The following CORO7 variants were observed in gnomAD, a reference collection of about 807,000 sequenced individuals.
The protein encoded by CORO7 is coronin-7.
In CORO7, 107 loss-of-function variants were observed where a neutral mutation model predicts 126.6. The observed-to-expected ratio is 0.85, with a 90% confidence interval of 0.72 to 0.99. CORO7 has a LOEUF of 0.99. CORO7 is among the 50% of genes least tolerant of loss of function. The pLI, the probability that CORO7 is intolerant of heterozygous loss-of-function variation, is 0.00. For missense variants in CORO7, 1,314 were observed against 1,255.8 expected, an observed-to-expected ratio of 1.05 and a Z score of -0.70; for synonymous variants, 603 against 536.8, an observed-to-expected ratio of 1.12 and a Z score of -1.70.
At chr16:4,363,937 T>G (rs989776974) in intron 14 of CORO7, among the ~76,000 whole-genome samples, 10 of 152,066 alleles carry the variant, frequency 6.6e-5, no homozygotes, top group African/African-American at 2.4e-4. Flanking sequence ...GAGAATCACT[T>G]GAACCCAAGA....
chr16:4,357,355 CTTTTT>C (rs61391325), intron 25 of CORO7, 96 bp from the exon 26 acceptor site: 633 of 726,282 alleles, frequency 8.7e-4, no homozygotes, highest in African/African-American at 9.5e-4. Context: ...TTCTTTCTTT[CTTTTT>C]TTTTTTTTTT....
At chr16:4,412,739 G>T (rs1234345566) in intron 2 of CORO7, 2 of 392,372 alleles carry the variant, frequency 5.1e-6, no homozygotes, top group East Asian at 4.3e-5. Flanking sequence ...GCCACTTTTC[G>T]CACTTTTACT....
At chr16:4,388,117 C>T (rs747130155) in intron 8 of CORO7, 49 bp from the exon 9 acceptor site, 8 of 1,575,722 alleles carry the variant, frequency 5.1e-6, no homozygotes, top group Admixed American at 1.8e-5. Context: ...CCCTCAGCCC[C>T]ACCCGGGGGG....
intron 4 of CORO7, 112 bp downstream of exon 4, chr16:4,408,064 AGTGGG>A (rs2056071709): frequency 6.8e-7 from 1 of 1,461,288 alleles, no homozygotes; most frequent in East Asian, 2.3e-5. Flanking sequence ...AGCCCTGGGG[AGTGGG>A]GTGGGGCTGG....
At chr16:4,361,919 A>T in intron 16 of CORO7, 66 bp downstream of exon 16, 1 of 1,546,876 alleles carries the variant, frequency 6.5e-7, no homozygotes, top group Non-Finnish European at 8.7e-7. Context: ...TGGGTAGCTA[A>T]GGCCCTCCGC....
chr16:4,413,482 C>A (rs1335534850), intron 1 of CORO7, 78 bp from the exon 2 acceptor site: 16 of 1,374,474 alleles, frequency 1.2e-5, no homozygotes, highest in South Asian at 2.6e-5. Flanking sequence ...AGAGGTGGGG[C>A]ATAATCTGGG....
intron 6 of CORO7, among the ~76,000 whole-genome samples, chr16:4,404,486 G>T (rs561221423): frequency 6.6e-6 from 1 of 152,106 alleles, no homozygotes; most frequent in Non-Finnish European, 1.5e-5. Flanking sequence ...TCAAACAAAC[G>T]GGACCTTTTC....
In CORO7 at chr16:4,362,812, C is replaced by G. The variant is rs960045827; in HGVS notation, c.1276-74G>C. ...AAAAGGAGGGGGTGCCAGCGGACTC[C>G]AGGGTCACCACTCTGGGCCCCCTGC... is the stretch of plus-strand genomic sequence containing the variant. On this transcript the variant is annotated intron_variant, in intron 14 of 27. Transcript: ENST00000251166. This position sits in a 1 kb window ranked among gnomAD's most constrained non-coding sequence, Gnocchi z 5.3. 2.4e-6 allele frequency: 3 copies of G among 1,272,234 alleles called. No homozygotes were observed. The highest frequency in any genetic ancestry group is 3.1e-5 in the African/African-American group (2 of 64,708). The allele number at this position is 1,272,234 out of a possible 1,614,324, so 78.8% of individuals were successfully genotyped here.
intron 26 of CORO7, among the ~76,000 whole-genome samples, chr16:4,355,848 G>A (rs891797396): frequency 1.3e-5 from 2 of 152,112 alleles, no homozygotes; most frequent in Non-Finnish European, 2.9e-5. Flanking sequence ...TGCAATCATG[G>A]CTCACTGCAG....
chr16:4,381,256 G>T, intron 9 of CORO7: 2 of 1,611,586 alleles, frequency 1.2e-6, no homozygotes, highest in East Asian at 2.2e-5. Flanking sequence ...GCGGCGCCTC[G>T]AGCGCCTCTA....
At chr16:4,357,646 G>C (rs1026281186) in intron 25 of CORO7, 1 of 375,576 alleles carries the variant, frequency 2.7e-6, no homozygotes, top group South Asian at 4.2e-5. Flanking sequence ...ATGAGCCACC[G>C]CGCCTGGCCG....
At chr16:4,404,820 C>T (rs762716310) in intron 6 of CORO7, among the ~76,000 whole-genome samples, 66 of 152,270 alleles carry the variant, frequency 4.3e-4, no homozygotes, top group Non-Finnish European at 8.5e-4. Flanking sequence ...CCTGTAGACA[C>T]TGCCCCTCCT....
rs181763352 is a variant in CORO7 at position 4,357,299 on chromosome 16, G to A, written c.2594-40C>T. The A allele has an allele frequency of 8.1e-4, 1,253 of 1,551,466 alleles. 15 individuals carry two copies. Among genetic ancestry groups the A allele is most frequent in the South Asian group, 7.8e-4 (66 of 84,790 alleles). ...GGACACGTGTCAGAGAGTCCCCTTC[G>A]TTAGGGCTCTTTGGTGCCAAGCCCT... is the stretch of plus-strand genomic sequence containing the variant. On this transcript the variant is annotated intron_variant, in intron 25 of 27. Transcript: ENST00000251166.
chr16:4,405,648 A>C (rs897612952), intron 5 of CORO7, 81 bp from the exon 6 acceptor site: 3 of 1,515,690 alleles, frequency 2.0e-6, no homozygotes, highest in Non-Finnish European at 1.8e-6. Context: ...GCTGGGGGGA[A>C]CTCCCAGAGC....
intron 1 of CORO7, 23 bp downstream of exon 1, chr16:4,416,435 GC>G: frequency 6.4e-7 from 1 of 1,555,092 alleles, no homozygotes; most frequent in Non-Finnish European, 8.6e-7. Flanking sequence ...AGGCGACAGC[GC>G]CCGGTCCTCG....
chr16:4,399,622 G>C (rs942520058), intron 6 of CORO7, among the ~76,000 whole-genome samples: 1 of 152,166 alleles, frequency 6.6e-6, no homozygotes, highest in Non-Finnish European at 1.5e-5. Context: ...CTTAAAAATG[G>C]TTAAGATGGT....
rs2054211910 is a variant in CORO7, at chr16:4,362,475, C to T, written c.1402+137G>A. On this transcript the variant is annotated intron_variant, in intron 15 of 27. Transcript: ENST00000251166. The surrounding 1 kb of genome is among the most constrained non-coding windows in gnomAD (Gnocchi z 5.3). ...ACACCCCAGCCCCCAGGACAAATGA[C>T]CCTGCCAGTGAGTCTGGGTGAGGGG... The T allele has an allele frequency of 2.0e-5, 29 of 1,420,736 alleles. No individual in the cohort carries two copies. Among genetic ancestry groups the T allele is most frequent in the Non-Finnish European group, 2.6e-5 (28 of 1,083,318 alleles). 88.0% of individuals were successfully genotyped at this position (1,420,736 alleles called of 1,614,324 possible).
At position 4,365,816 on chromosome 16, in the gene CORO7, G is replaced by A. The variant is rs151130244; in HGVS notation, c.786-271C>T. Reference sequence around the variant, plus strand: ...AGTGGGCACAGGGGAACTCGGGCCCGATCTCAGCCACAGCTCTTCCTCCAA... The same window carrying A: ...AGTGGGCACAGGGGAACTCGGGCCCAATCTCAGCCACAGCTCTTCCTCCAA... On this transcript the variant is annotated intron_variant, in intron 9 of 27. Coordinates refer to ENST00000251166, the MANE Select transcript of CORO7 (RefSeq NM_024535.5). 2.6e-5 allele frequency among the ~76,000 whole-genome samples: 4 copies of A among 152,246 alleles called. No homozygotes were observed. The East Asian group carries it at 5.8e-4, about 22-fold the overall frequency.
At chr16:4,382,107 A>T (rs2055000047) in intron 9 of CORO7, 1 of 1,584,022 alleles carries the variant, frequency 6.3e-7, no homozygotes, top group Non-Finnish European at 8.6e-7. Flanking sequence ...AGGACTGCCC[A>T]CCGTCCACCT....
Sources: gnomAD v4.1 joint callset for allele counts (sites outside exome capture counted in the v4.1 genomes callset) on GRCh38, gnomAD v4.1.1 for gene constraint, Gnocchi (gnomAD v3.1) non-coding constraint, MANE v1.5 for transcripts, NCBI Gene and HGNC (gene_info 2026-07-23, HGNC 2026-07-21) for gene names.